The following C11orf97 variants were observed in gnomAD, a reference collection of about 807,000 sequenced individuals.
C11orf97 encodes uncharacterized protein C11orf97.
C11orf97 carries 15 observed loss-of-function variants against 16.2 expected under a neutral mutation model. The ratio of observed to expected loss-of-function variants is 0.93; its 90% CI spans 0.62 to 1.43. The LOEUF is 1.43. Among genes scored for constraint, C11orf97 ranks in the 40% most tolerant of loss-of-function variants. C11orf97 has a pLI of 0.00. For synonymous variants in C11orf97, 61 were observed against 65.7 expected (o/e 0.93, Z 0.34); for missense variants, 171 against 161.2 (o/e 1.06, Z -0.33).
intron 1 of C11orf97, among the ~76,000 whole-genome samples, chr11:94,514,929 G>A (rs1947600087): frequency 6.6e-6 from 1 of 152,078 alleles, no homozygotes. Context: ...ACAGGCATGA[G>A]CCACCGCGCC....
intron 2 of C11orf97, among the ~76,000 whole-genome samples, chr11:94,521,736 A>G (rs1947659091): frequency 1.3e-5 from 2 of 152,222 alleles, no homozygotes; most frequent in Non-Finnish European, 2.9e-5. Context: ...GAGTAAACTA[A>G]GATTCTGAGA....
At chr11:94,524,586 G>GAAAAA (rs56304137) in intron 2 of C11orf97, among the ~76,000 whole-genome samples, 4,770 of 115,190 alleles carry the variant, frequency 0.041, 250 homozygotes, top group Middle Eastern at 0.066. Flanking sequence ...ACCTCATCCT[G>GAAAAA]AAAAAAAAAA....
chr11:94,523,181 G>C (rs753802857), intron 2 of C11orf97, among the ~76,000 whole-genome samples: 1 of 152,154 alleles, frequency 6.6e-6, no homozygotes, highest in African/African-American at 2.4e-5. Context: ...CCCCTAGCCA[G>C]CTTTACTCAT....
intron 1 of C11orf97, among the ~76,000 whole-genome samples, chr11:94,516,652 T>C (rs912353572): frequency 1.3e-5 from 2 of 152,094 alleles, no homozygotes; most frequent in Non-Finnish European, 2.9e-5. Context: ...TGTATCCAAA[T>C]TGCAATAAGT....
intron 3 of C11orf97, among the ~76,000 whole-genome samples, chr11:94,529,205 T>C (rs1039253890): frequency 1.3e-5 from 2 of 152,150 alleles, no homozygotes; most frequent in Non-Finnish European, 2.9e-5. Context: ...CTGAGCCAAG[T>C]GCCCACGAGC....
rs1947663108 is a variant in C11orf97, at chr11:94,522,283, C to A, written c.250+4596C>A. On this transcript the variant is annotated intron_variant, in intron 2 of 3. Coordinates refer to ENST00000542198, the MANE Select transcript of C11orf97 (RefSeq NM_001190462.2). ...GGGCATGGTGGCTCACGCCTGTAATCCCAGCACTTTAGGAGGCTGAGACGG... is the reference window on the plus strand; with the variant it reads ...GGGCATGGTGGCTCACGCCTGTAATACCAGCACTTTAGGAGGCTGAGACGG... Among the ~76,000 whole-genome samples, 3 of 152,310 alleles carry A rather than the reference C, an allele frequency of 2.0e-5. 1 individual carries two copies. The highest frequency in any genetic ancestry group is 7.2e-5 in the African/African-American group (3 of 41,564).
At chr11:94,513,889 A>G (rs952167232) in intron 1 of C11orf97, among the ~76,000 whole-genome samples, 2 of 152,050 alleles carry the variant, frequency 1.3e-5, no homozygotes, top group African/African-American at 4.8e-5. Flanking sequence ...GCTCACTGCA[A>G]CTCAGCCTCC....
Position 94,512,636 on chromosome 11 carries a change from G to A in C11orf97, c.108G>A (p.Gly36=), listed in dbSNP as rs1288383921. ...CAGGGCTGGGGTGCGGGGCGCGCGG[G>A]GAACCCGGCCGCGGCCCCCTAGAGC... ...PPAGLGCGAR[G]EPGRGPLEHG... The change falls in exon 1 of 4, where the codon GGG becomes GGA. Residue 36 remains glycine, a synonymous_variant. Coordinates refer to ENST00000542198, the MANE Select transcript of C11orf97 (RefSeq NM_001190462.2). The A allele has an allele frequency of 1.8e-5, 22 of 1,255,292 alleles. No homozygotes were observed. The highest frequency in any genetic ancestry group is 9.3e-5 in the African/African-American group (6 of 64,550). 77.8% of individuals were successfully genotyped at this position (1,255,292 alleles called of 1,614,324 possible).
intron 3 of C11orf97, among the ~76,000 whole-genome samples, chr11:94,529,991 T>G (rs566189608): frequency 1.6e-3 from 245 of 152,324 alleles, no homozygotes; most frequent in Non-Finnish European, 2.9e-3. Context: ...AAGTAATTTG[T>G]TTTAAAGATG....
intron 2 of C11orf97, among the ~76,000 whole-genome samples, chr11:94,526,974 C>T (rs1947705806): frequency 6.6e-6 from 1 of 152,184 alleles, no homozygotes; most frequent in Non-Finnish European, 1.5e-5. Flanking sequence ...ATAGTAAAAT[C>T]ATTCTCCCTG....
At chr11:94,530,658 C>A (rs1205070202) in intron 3 of C11orf97, among the ~76,000 whole-genome samples, 2 of 152,158 alleles carry the variant, frequency 1.3e-5, no homozygotes, top group Non-Finnish European at 2.9e-5. Flanking sequence ...AATGAATGAA[C>A]CAGTAAGTAT....
chr11:94,516,835 A>G (rs942360873), intron 1 of C11orf97, among the ~76,000 whole-genome samples: 2 of 152,202 alleles, frequency 1.3e-5, no homozygotes, highest in Non-Finnish European at 2.9e-5. Flanking sequence ...GCATGTGCAA[A>G]GGTAGGAATG....
At chr11:94,531,595 T>C (rs1385327155) in intron 3 of C11orf97, among the ~76,000 whole-genome samples, 5 of 148,876 alleles carry the variant, frequency 3.4e-5, no homozygotes, top group Non-Finnish European at 5.9e-5. Context: ...ACAATTCACA[T>C]GGTATCTCAA....
intron 2 of C11orf97, among the ~76,000 whole-genome samples, chr11:94,519,360 A>G (rs940540884): frequency 2.6e-5 from 4 of 152,242 alleles, no homozygotes; most frequent in Non-Finnish European, 4.4e-5. Context: ...TAATGAATGG[A>G]TGCAGAATGA....
At chr11:94,521,138 T>C (rs1947654532) in intron 2 of C11orf97, among the ~76,000 whole-genome samples, 1 of 152,234 alleles carries the variant, frequency 6.6e-6, no homozygotes, top group Non-Finnish European at 1.5e-5. Context: ...CAGAGAGGCC[T>C]TTCCACTCCA....
intron 3 of C11orf97, among the ~76,000 whole-genome samples, chr11:94,529,583 GAC>G (rs1406610069): frequency 6.6e-6 from 1 of 152,170 alleles, no homozygotes; most frequent in East Asian, 1.9e-4. Context: ...GAGGCATAGA[GAC>G]ACTTTACTAC....
chr11:94,529,845 TA>T (rs1314709410), intron 3 of C11orf97, among the ~76,000 whole-genome samples: 1 of 152,222 alleles, frequency 6.6e-6, no homozygotes, highest in Non-Finnish European at 1.5e-5. Context: ...ACAAAGATAT[TA>T]GTGTCCTGAA....
chr11:94,513,624 A>G (rs1177920258), intron 1 of C11orf97, among the ~76,000 whole-genome samples: 2 of 152,184 alleles, frequency 1.3e-5, no homozygotes, highest in African/African-American at 4.8e-5. Context: ...TCCTCCCCAG[A>G]GACCTCATCA....
chr11:94,524,440 G>T (rs1340816618), intron 2 of C11orf97, among the ~76,000 whole-genome samples: 3 of 152,058 alleles, frequency 2.0e-5, no homozygotes, highest in Non-Finnish European at 2.9e-5. Context: ...TTAAAAAAAA[G>T]AAATGTTACT....
Sources: allele counts gnomAD v4.1 joint callset (sites outside exome capture counted in the v4.1 genomes callset), GRCh38; gene constraint gnomAD v4.1.1; transcripts MANE v1.5; gene names NCBI Gene and HGNC (gene_info 2026-07-23, HGNC 2026-07-21).